The following THUMPD2 variants were observed in gnomAD, a reference collection of about 807,000 sequenced individuals.
The protein encoded by THUMPD2 is U6 snRNA (guanine-N(2))-methyltransferase THUMPD2.
In THUMPD2, 56 loss-of-function variants were observed where a neutral mutation model predicts 49.4. That is an observed-to-expected ratio of 1.13 (90% CI 0.91 to 1.41). The LOEUF (loss-of-function observed/expected upper bound fraction) is 1.41. THUMPD2 is among the 40% of genes most tolerant of loss of function. The pLI, the probability that THUMPD2 is intolerant of heterozygous loss-of-function variation, is 0.00. For missense variants in THUMPD2, 709 were observed against 594.5 expected (o/e 1.19, Z -2.00); for synonymous variants, 237 against 205.2 (o/e 1.15, Z -1.32).
intron 9 of THUMPD2, among the ~76,000 whole-genome samples, chr2:39,742,901 C>T (rs756499932): frequency 1.4e-4 from 22 of 152,224 alleles, no homozygotes; most frequent in South Asian, 1.2e-3. Context: ...TATTGGGCAG[C>T]AGGGAGTACA....
Position 39,761,542 on chromosome 2 carries a change from C to T in THUMPD2, c.804-124G>A, listed in dbSNP as rs532381976. The T allele has an allele frequency of 6.6e-5, 57 of 859,540 alleles. 1 individual carries two copies. The African/African-American group carries it at 9.5e-4, about 14-fold the overall frequency. 53.2% of individuals were successfully genotyped at this position (859,540 alleles called of 1,614,324 possible). ...CATCCAACATACACTAAAGTATTCC[C>T]TAAGTTAGACAATGTTTCAGTCTTA... On this transcript the variant is annotated intron_variant, in intron 5 of 9. Transcript: ENST00000505747.
intron 3 of THUMPD2, 194 bp downstream of exon 3, chr2:39,769,516 A>G: frequency 2.1e-6 from 1 of 481,764 alleles, no homozygotes; most frequent in Non-Finnish European, 3.4e-6. Flanking sequence ...AGCCTGACCA[A>G]TATGGTGAAA....
At chr2:39,745,003 C>G (rs796168402) in intron 8 of THUMPD2, among the ~76,000 whole-genome samples, 7 of 152,238 alleles carry the variant, frequency 4.6e-5, no homozygotes, top group African/African-American at 1.7e-4. Context: ...CAATGATTAT[C>G]ACTAAAAATT....
intron 8 of THUMPD2, among the ~76,000 whole-genome samples, chr2:39,747,797 T>C (rs1318609180): frequency 1.3e-5 from 2 of 152,172 alleles, no homozygotes; most frequent in African/African-American, 4.8e-5. Flanking sequence ...GTCCCTCCAT[T>C]GACAGTGCCT....
At chr2:39,743,752 G>A (rs893806910) in intron 9 of THUMPD2, among the ~76,000 whole-genome samples, 1 of 152,178 alleles carries the variant, frequency 6.6e-6, no homozygotes, top group African/African-American at 2.4e-5. Flanking sequence ...ATCACAAACT[G>A]AGCAGATAGA....
At chr2:39,738,371 T>A (rs1415052910) in intron 9 of THUMPD2, among the ~76,000 whole-genome samples, 1 of 152,050 alleles carries the variant, frequency 6.6e-6, no homozygotes, top group African/African-American at 2.4e-5. Flanking sequence ...GAGACCAGCC[T>A]GGGCAACATG....
intron 1 of THUMPD2, among the ~76,000 whole-genome samples, chr2:39,773,388 A>T (rs1678597903): frequency 6.6e-6 from 1 of 151,814 alleles, no homozygotes; most frequent in South Asian, 2.1e-4. Flanking sequence ...AAGTAAAATG[A>T]TGCAAACATC....
intron 1 of THUMPD2, among the ~76,000 whole-genome samples, 181 bp from the exon 2 acceptor site, chr2:39,771,821 C>T (rs1558539721): frequency 6.6e-6 from 1 of 152,054 alleles, no homozygotes; most frequent in East Asian, 1.9e-4. Flanking sequence ...TTATAACCAC[C>T]CTCTAAGGTA....
At chr2:39,757,884 A>G (rs937441655) in intron 6 of THUMPD2, among the ~76,000 whole-genome samples, 1 of 152,080 alleles carries the variant, frequency 6.6e-6, no homozygotes, top group African/African-American at 2.4e-5. Context: ...CCAAGCTCCA[A>G]AGAGGGAAAT....
intron 6 of THUMPD2, among the ~76,000 whole-genome samples, chr2:39,756,467 C>A (rs1433534856): frequency 7.0e-6 from 1 of 142,534 alleles, no homozygotes; most frequent in Non-Finnish European, 1.5e-5. Context: ...AGCGAGACTC[C>A]ATCTCAAAAA....
At chr2:39,748,866 T>C (rs552844369) in intron 8 of THUMPD2, among the ~76,000 whole-genome samples, 1 of 151,974 alleles carries the variant, frequency 6.6e-6, no homozygotes, top group African/African-American at 2.4e-5. Context: ...CCTACAGTCC[T>C]AGCTACTTGG....
At chr2:39,777,871 TC>T (rs1679324043) in intron 1 of THUMPD2, among the ~76,000 whole-genome samples, 1 of 152,220 alleles carries the variant, frequency 6.6e-6, no homozygotes, top group African/African-American at 2.4e-5. Context: ...CTTTCCTTTT[TC>T]TAATAATCCT....
chr2:39,749,749 C>G (rs1572776186), intron 8 of THUMPD2, among the ~76,000 whole-genome samples: 1 of 152,120 alleles, frequency 6.6e-6, no homozygotes, highest in African/African-American at 2.4e-5. Context: ...CTAATGCTCT[C>G]CCTCCCCTCC....
intron 1 of THUMPD2, among the ~76,000 whole-genome samples, chr2:39,775,151 C>T (rs1278978156): frequency 6.6e-6 from 1 of 152,042 alleles, no homozygotes; most frequent in Non-Finnish European, 1.5e-5. Context: ...TGGCATATGC[C>T]TGTAGTCCAA....
At position 39,771,603 on chromosome 2, in the gene THUMPD2, C is replaced by G; in HGVS notation, c.164G>C (p.Cys55Ser). The part of the protein sequence containing the change: ...YISGKVFFTT[C>S]SDLNMLKKLK... ...TTTCTTCAACATATTCAAATCAGAACAGGTGGTGAAAAAAACCTTTCCTGA... is the reference window on the plus strand; with the variant it reads ...TTTCTTCAACATATTCAAATCAGAAGAGGTGGTGAAAAAAACCTTTCCTGA... The change falls in exon 2 of 10, where the codon TGT (cysteine) becomes TCT (serine). Residue 55 changes from cysteine (C) to serine (S), a missense_variant. Cys to Ser is a moderately radical substitution (Grantham distance 112). Coordinates refer to ENST00000505747, the MANE Select transcript of THUMPD2 (RefSeq NM_025264.5). The G allele has an allele frequency of 1.2e-6, 2 of 1,605,414 alleles. No individual in the cohort carries two copies. The highest frequency in any genetic ancestry group is 2.3e-5 in the South Asian group (2 of 88,526).
At chr2:39,766,681 G>C (rs1215681519) in intron 4 of THUMPD2, among the ~76,000 whole-genome samples, 2 of 152,110 alleles carry the variant, frequency 1.3e-5, no homozygotes, top group African/African-American at 4.8e-5. Context: ...TTAAAAGCTA[G>C]AATCTTACTT....
intron 8 of THUMPD2, among the ~76,000 whole-genome samples, chr2:39,755,011 C>A (rs182322178): frequency 6.6e-6 from 1 of 150,874 alleles, no homozygotes; most frequent in South Asian, 2.1e-4. Flanking sequence ...GGTTCTGATA[C>A]GAGAAATGGT....
At chr2:39,773,286 T>C (rs1678580310) in intron 1 of THUMPD2, among the ~76,000 whole-genome samples, 1 of 152,146 alleles carries the variant, frequency 6.6e-6, no homozygotes, top group South Asian at 2.1e-4. Context: ...CATAGAACAA[T>C]TTAACAGATG....
chr2:39,757,493 G>T, intron 6 of THUMPD2: 1 of 1,062,854 alleles, frequency 9.4e-7, no homozygotes, highest in Non-Finnish European at 1.2e-6. Flanking sequence ...AAATTTAAAT[G>T]CAAATTTTGT....
Sources: allele counts gnomAD v4.1 joint callset (sites outside exome capture counted in the v4.1 genomes callset), GRCh38; gene constraint gnomAD v4.1.1; transcripts MANE v1.5; gene names NCBI Gene and HGNC (gene_info 2026-07-23, HGNC 2026-07-21).